The following CCM2 variants were observed in gnomAD, a reference collection of about 807,000 sequenced individuals.
The protein encoded by CCM2 is cerebral cavernous malformations 2 protein.
Under a neutral mutation model 44.9 loss-of-function variants are expected in CCM2, and 25 were observed. The ratio of observed to expected loss-of-function variants is 0.56; its 90% confidence interval spans 0.41 to 0.78. The LOEUF (loss-of-function observed/expected upper bound fraction) is 0.78, where lower values mean the gene tolerates loss of function less well. CCM2 is among the 30% of genes least tolerant of loss of function. The pLI is 0.00. For missense variants in CCM2, 481 were observed against 580.6 expected (o/e 0.83, Z 1.76); for synonymous variants, 219 against 241.1 (o/e 0.91, Z 0.85).
chr7:45,000,568 C>T (rs1795566081), intron 1 of CCM2, among the ~76,000 whole-genome samples: 1 of 152,114 alleles, frequency 6.6e-6, no homozygotes, highest in Non-Finnish European at 1.5e-5. Context: ...CGCCTTTCCT[C>T]TGGCCCGGGC....
chr7:45,051,674 C>T (rs1159603438), intron 2 of CCM2, among the ~76,000 whole-genome samples: 5 of 152,180 alleles, frequency 3.3e-5, no homozygotes, highest in African/African-American at 1.2e-4. Context: ...CATTCTCCTG[C>T]CTCAGCCTCC....
At chr7:45,064,037 C>T in intron 3 of CCM2, 36 bp downstream of exon 3, 2 of 1,389,634 alleles carry the variant, frequency 1.4e-6, no homozygotes, top group South Asian at 2.3e-5. Flanking sequence ...CACTAGCCCT[C>T]AGCCCCCACC....
chr7:45,043,257 C>T (rs1181454094), intron 2 of CCM2, among the ~76,000 whole-genome samples: 1 of 152,198 alleles, frequency 6.6e-6, no homozygotes, highest in Non-Finnish European at 1.5e-5. Context: ...GCATGAACCA[C>T]TGCACTTGGA....
chr7:45,074,477 T>C, intron 9 of CCM2, 69 bp downstream of exon 9: 2 of 1,325,030 alleles, frequency 1.5e-6, no homozygotes, highest in Non-Finnish European at 2.1e-6. Flanking sequence ...CTCCTGGGAA[T>C]GTGCACACGG....
chr7:45,040,644 A>G (rs991687898), intron 2 of CCM2, among the ~76,000 whole-genome samples: 1 of 152,238 alleles, frequency 6.6e-6, no homozygotes, highest in East Asian at 1.9e-4. Context: ...TAAAACCTCA[A>G]CTCACAGAAG....
intron 1 of CCM2, among the ~76,000 whole-genome samples, chr7:45,019,513 G>T (rs4724347): frequency 0.87 from 131,955 of 152,158 alleles, 57,539 homozygotes; most frequent in African/African-American, 0.96. Flanking sequence ...TTAAGGTACT[G>T]ATTAAGCCCC....
At chr7:45,066,781 C>T (rs528634570) in intron 4 of CCM2, among the ~76,000 whole-genome samples, 1 of 152,042 alleles carries the variant, frequency 6.6e-6, no homozygotes, top group Non-Finnish European at 1.5e-5. Context: ...GCCCACCCTG[C>T]TTCCTTGAGA....
chr7:45,073,259 G>T (rs1799170120), intron 7 of CCM2: 1 of 620,314 alleles, frequency 1.6e-6, no homozygotes, highest in Admixed American at 2.4e-5. Flanking sequence ...TCAGAGCCAT[G>T]CCCCCGGGGA....
chr7:45,047,990 CTAAG>C (rs751062259), intron 2 of CCM2, among the ~76,000 whole-genome samples: 4 of 152,028 alleles, frequency 2.6e-5, no homozygotes, highest in African/African-American at 9.7e-5. Flanking sequence ...GATGTAAAAA[CTAAG>C]TAATGATTAA....
Position 45,000,663 on chromosome 7 carries a change from G to C in CCM2, c.30+300G>C, listed in dbSNP as rs1389419301. 5.9e-5 allele frequency among the ~76,000 whole-genome samples: 9 copies of C among 152,374 alleles called. No homozygotes were observed. In the East Asian group the frequency reaches 1.7e-3, roughly 29 times the overall value. On this transcript the variant is annotated intron_variant, in intron 1 of 9. Coordinates refer to ENST00000258781, the MANE Select transcript of CCM2 (RefSeq NM_031443.4). ...GCAGAGGAAGTGGGCCCGGCGAGGG[G>C]CCAGAAAGCTGTCCAGGGCTGGAAC...
At chr7:45,020,217 C>A (rs572062602) in intron 1 of CCM2, among the ~76,000 whole-genome samples, 24 of 152,190 alleles carry the variant, frequency 1.6e-4, no homozygotes, top group African/African-American at 5.8e-4. Flanking sequence ...CATATAAATT[C>A]CAAGCTTCTT....
Position 45,064,527 on chromosome 7 carries a change from A to C in CCM2, c.353A>C (p.Tyr118Ser). The C allele has an allele frequency of 6.2e-7, 1 of 1,613,956 alleles. No homozygotes were observed. The highest frequency in any genetic ancestry group is 1.3e-5 in the African/African-American group (1 of 75,036). The change falls in exon 4 of 10, where the codon TAC becomes TCC. Residue 118 changes from tyrosine (Y) to serine (S), a missense_variant. By Grantham distance (144) the Tyr-to-Ser change is moderately radical (BLOSUM62 -2). Coordinates refer to ENST00000258781, the MANE Select transcript of CCM2 (RefSeq NM_031443.4). ...EHDAVLSLSA[Y>S]NVKLAWRDGE... is the part of the protein sequence containing the mutation. ...GATGCTGTGCTCAGCCTGTCTGCGTACAACGTCAAGCTGGCCTGGAGGGAC... is the reference window on the plus strand; with the variant it reads ...GATGCTGTGCTCAGCCTGTCTGCGTCCAACGTCAAGCTGGCCTGGAGGGAC...
chr7:45,058,933 C>T (rs1349865071), intron 2 of CCM2, among the ~76,000 whole-genome samples: 3 of 143,742 alleles, frequency 2.1e-5, no homozygotes, highest in East Asian at 2.0e-4. Flanking sequence ...TTAGTGTAAA[C>T]GGGGTTTTGC....
chr7:45,068,578 A>G lies in CCM2; in HGVS notation c.608A>G (p.Lys203Arg). The G allele has an allele frequency of 6.2e-7, 1 of 1,613,922 alleles. No homozygotes were observed. Among genetic ancestry groups the G allele is most frequent in the Non-Finnish European group, 8.5e-7 (1 of 1,179,986 alleles). ...CCLVILAAES[K>R]VAAEELCCLL... ...CTGGTCATCCTGGCTGCAGAGAGCAAGGTGAGACTTTCTCGCCCCACTTAC... is the reference window on the plus strand; with the variant it reads ...CTGGTCATCCTGGCTGCAGAGAGCAGGGTGAGACTTTCTCGCCCCACTTAC... Residue 203 changes from lysine to arginine, a missense_variant and splice_region_variant, in exon 5 of 10, where the codon AAG (lysine) becomes AGG (arginine). Physicochemically the swap from Lys to Arg is conservative, Grantham distance 26. Coordinates refer to ENST00000258781, the MANE Select transcript of CCM2 (RefSeq NM_031443.4).
At position 45,054,277 on chromosome 7, in the gene CCM2, G is replaced by A. The variant is rs147552121; in HGVS notation, c.205-9641G>A. Among the ~76,000 whole-genome samples the A allele has an allele frequency of 6.8e-4, 104 of 152,138 alleles. No individual in the cohort carries two copies. The East Asian group carries it at 0.012, about 17-fold the overall frequency. On this transcript the variant is annotated intron_variant, in intron 2 of 9. Transcript: ENST00000258781. ...AAGGAGTGTGTGGGGGGCTTCTGTC[G>A]TACAACAAAAGGGGATAGGTCACTT...
chr7:45,007,453 G>A (rs1795891433), intron 1 of CCM2, among the ~76,000 whole-genome samples: 1 of 152,250 alleles, frequency 6.6e-6, no homozygotes, highest in South Asian at 2.1e-4. Flanking sequence ...GTTTACATTT[G>A]GATTTGTCAA....
At chr7:45,023,801 T>TG (rs1796578447) in intron 1 of CCM2, among the ~76,000 whole-genome samples, 1 of 133,310 alleles carries the variant, frequency 7.5e-6, no homozygotes, top group South Asian at 2.5e-4. Context: ...TTTTTTTTTT[T>TG]TTTTTTTTTT....
intron 2 of CCM2, among the ~76,000 whole-genome samples, chr7:45,052,684 G>T (rs1798068907): frequency 6.6e-6 from 1 of 152,152 alleles, no homozygotes; most frequent in Admixed American, 6.5e-5. Context: ...ATTCCATTTA[G>T]CTCAGTTTGT....
At chr7:45,042,609 C>T (rs975104116) in intron 2 of CCM2, among the ~76,000 whole-genome samples, 2 of 152,086 alleles carry the variant, frequency 1.3e-5, no homozygotes, top group Non-Finnish European at 2.9e-5. Context: ...GGACCAGTGG[C>T]ACAACATTCT....
Sources: gnomAD v4.1 joint callset for allele counts (sites outside exome capture counted in the v4.1 genomes callset) on GRCh38, gnomAD v4.1.1 for gene constraint, MANE v1.5 for transcripts, NCBI Gene and HGNC (gene_info 2026-07-23, HGNC 2026-07-21) for gene names.